ST8SIA6: variants seen among roughly 807,000 people sequenced by gnomAD.
ST8SIA6 encodes the protein ST8 alpha-N-acetyl-neuraminide alpha-2,8-sialyltransferase 6.
In ST8SIA6, 39 loss-of-function variants were observed where a neutral mutation model predicts 33.6. The observed-to-expected ratio is 1.16, with a 90% confidence interval of 0.90 to 1.52. The LOEUF (loss-of-function observed/expected upper bound fraction) is 1.52, where lower values mean the gene tolerates loss of function less well. ST8SIA6 is among the 40% of genes most tolerant of loss of function. The probability of loss-of-function intolerance (pLI) is 0.00; values close to 1 mark genes in which losing one functional copy is unlikely to be tolerated. For missense variants in ST8SIA6, 441 were observed against 443.8 expected (o/e 0.99, Z 0.06); for synonymous variants, 172 against 167.2 (o/e 1.03, Z -0.22).
chr10:17,439,164 A>G (rs2131732821), intron 2 of ST8SIA6, among the ~76,000 whole-genome samples: 1 of 152,222 alleles, frequency 6.6e-6, no homozygotes, highest in South Asian at 2.1e-4. Context: ...TTCCTCTTCC[A>G]GCTTTTCAGA....
intron 3 of ST8SIA6, among the ~76,000 whole-genome samples, chr10:17,373,854 A>G (rs755291618): frequency 2.0e-5 from 3 of 152,192 alleles, no homozygotes; most frequent in Non-Finnish European, 4.4e-5. Context: ...GCCTTCTGAT[A>G]TGAATGCGTA....
intron 6 of ST8SIA6, among the ~76,000 whole-genome samples, chr10:17,325,767 G>A (rs953990970): frequency 1.1e-4 from 16 of 151,984 alleles, no homozygotes; most frequent in African/African-American, 3.1e-4. Flanking sequence ...TTCTATATTC[G>A]GGAAAATACC....
At chr10:17,329,890 G>A (rs1392810864) in intron 5 of ST8SIA6, among the ~76,000 whole-genome samples, 1 of 152,130 alleles carries the variant, frequency 6.6e-6, no homozygotes, top group East Asian at 1.9e-4. Context: ...TTCTCTGCAA[G>A]TAACTTAGCC....
At chr10:17,339,077 T>C (rs1848594306) in intron 4 of ST8SIA6, among the ~76,000 whole-genome samples, 1 of 151,764 alleles carries the variant, frequency 6.6e-6, no homozygotes, top group Admixed American at 6.6e-5. Context: ...ACAAATTCCT[T>C]TTGAGAAAGG....
chr10:17,412,736 C>G (rs1430432817), intron 2 of ST8SIA6, among the ~76,000 whole-genome samples: 1 of 152,036 alleles, frequency 6.6e-6, no homozygotes, highest in Non-Finnish European at 1.5e-5. Flanking sequence ...TGGTAATATA[C>G]AATATGATAG....
intron 2 of ST8SIA6, among the ~76,000 whole-genome samples, chr10:17,417,141 T>C (rs927735495): frequency 2.6e-5 from 4 of 152,012 alleles, no homozygotes; most frequent in Non-Finnish European, 5.9e-5. Flanking sequence ...GCACATCACA[T>C]GGATAGAGAG....
At chr10:17,344,027 G>A (rs755860555) in intron 4 of ST8SIA6, among the ~76,000 whole-genome samples, 2 of 152,146 alleles carry the variant, frequency 1.3e-5, no homozygotes, top group Non-Finnish European at 2.9e-5. Context: ...GGGTCAGAGC[G>A]GTGAAGTTAC....
intron 2 of ST8SIA6, among the ~76,000 whole-genome samples, chr10:17,450,318 A>G (rs1852859670): frequency 6.6e-6 from 1 of 152,206 alleles, no homozygotes; most frequent in Non-Finnish European, 1.5e-5. Context: ...GTGCCTGGAC[A>G]CCGGATGGAA....
intron 3 of ST8SIA6, among the ~76,000 whole-genome samples, chr10:17,364,380 G>A (rs1280361817): frequency 6.6e-6 from 1 of 152,158 alleles, no homozygotes; most frequent in Non-Finnish European, 1.5e-5. Flanking sequence ...GTAAAACCAA[G>A]TGAATACCTT....
chr10:17,336,474 T>G (rs1848502847), intron 4 of ST8SIA6, among the ~76,000 whole-genome samples: 1 of 152,172 alleles, frequency 6.6e-6, no homozygotes, highest in South Asian at 2.1e-4. Context: ...CATGTCACCT[T>G]CAAACACTTC....
chr10:17,321,387 T>C, intron 7 of ST8SIA6, 41 bp from the exon 8 acceptor site: 1 of 1,482,478 alleles, frequency 6.7e-7, no homozygotes, highest in Non-Finnish European at 9.1e-7. Context: ...CCAAGAATAA[T>C]AATCAAAGTA....
intron 2 of ST8SIA6, among the ~76,000 whole-genome samples, chr10:17,432,185 AG>A (rs1852122157): frequency 6.6e-6 from 1 of 152,238 alleles, no homozygotes; most frequent in Admixed American, 6.5e-5. Context: ...GAATTGAAAG[AG>A]ATGAAGTCAG....
intron 2 of ST8SIA6, among the ~76,000 whole-genome samples, chr10:17,427,039 G>A (rs1564459256): frequency 1.3e-5 from 2 of 151,834 alleles, no homozygotes; most frequent in African/African-American, 4.8e-5. Flanking sequence ...CGGAGGCGGA[G>A]GTTGCAATGA....
At chr10:17,337,637 T>G (rs2131593226) in intron 4 of ST8SIA6, among the ~76,000 whole-genome samples, 1 of 152,326 alleles carries the variant, frequency 6.6e-6, no homozygotes, top group Admixed American at 6.5e-5. Context: ...CCAGTGTTGG[T>G]ATAAAGCTGA....
At chr10:17,330,065 G>C (rs1016591717) in intron 5 of ST8SIA6, among the ~76,000 whole-genome samples, 3 of 152,140 alleles carry the variant, frequency 2.0e-5, no homozygotes, top group Non-Finnish European at 4.4e-5. Flanking sequence ...AAAGGAGAAG[G>C]CTGGAGCAAC....
chr10:17,453,463 T>A (rs1852995700), intron 2 of ST8SIA6, 96 bp downstream of exon 2: 2 of 954,348 alleles, frequency 2.1e-6, no homozygotes, highest in South Asian at 4.5e-5. Flanking sequence ...CGTCCCAGCC[T>A]GCCTACTCCC....
At chr10:17,403,838 G>A (rs764582244) in intron 2 of ST8SIA6, among the ~76,000 whole-genome samples, 3 of 152,042 alleles carry the variant, frequency 2.0e-5, no homozygotes, top group African/African-American at 4.8e-5. Flanking sequence ...CAAGGCAGGT[G>A]GATCACCTGA....
chr10:17,369,748 A>G (rs1467484119), intron 3 of ST8SIA6, among the ~76,000 whole-genome samples: 1 of 152,168 alleles, frequency 6.6e-6, no homozygotes, highest in Non-Finnish European at 1.5e-5. Flanking sequence ...TAATTATTAT[A>G]TATTGCTAAT....
At chr10:17,331,923 A>G (rs909438884) in intron 4 of ST8SIA6, among the ~76,000 whole-genome samples, 1 of 152,088 alleles carries the variant, frequency 6.6e-6, no homozygotes, top group Non-Finnish European at 1.5e-5. Flanking sequence ...TGCATTAGGT[A>G]TTTGTCCCAA....
Sources: allele counts gnomAD v4.1 joint callset (sites outside exome capture counted in the v4.1 genomes callset), GRCh38; gene constraint gnomAD v4.1.1; transcripts MANE v1.5; gene names NCBI Gene and HGNC (gene_info 2026-07-23, HGNC 2026-07-21).